The following PHF24 variants were observed in gnomAD, a reference collection of about 807,000 sequenced individuals.
PHF24 encodes the protein PHD finger protein 24.
PHF24 carries 25 observed loss-of-function variants against 42.6 expected under a neutral mutation model. The ratio of observed to expected loss-of-function variants is 0.59; its 90% CI spans 0.43 to 0.82. The LOEUF is 0.82. PHF24 is among the 40% of genes least tolerant of loss of function. The probability of loss-of-function intolerance (pLI) is 0.00; values close to 1 mark genes in which losing one functional copy is unlikely to be tolerated. For synonymous variants in PHF24, 185 were observed against 204.8 expected (o/e 0.90, Z 0.83); for missense variants, 470 against 538.1 (o/e 0.87, Z 1.25).
the PHF24 span, chr9:34,922,513 C>T: frequency 1.8e-6 from 2 of 1,137,232 alleles, no homozygotes; most frequent in East Asian, 2.3e-5. Context: ...CCTTTCTTAT[C>T]ATCACCAGCG....
At chr9:34,970,944 A>T (rs1826951958) in intron 1 of PHF24, among the ~76,000 whole-genome samples, 1 of 152,154 alleles carries the variant, frequency 6.6e-6, no homozygotes, top group African/African-American at 2.4e-5. Context: ...CAAAGTTGCA[A>T]GGCCTGTCAG....
At chr9:34,944,610 T>C in the PHF24 span, among the ~76,000 whole-genome samples, 1 of 152,208 alleles carries the variant, frequency 6.6e-6, no homozygotes, top group African/African-American at 2.4e-5. Context: ...GCCAACATCT[T>C]CAAAGCATTC....
In PHF24 at chr9:34,976,135, C is replaced by T; in HGVS notation, c.565-17C>T. 6.2e-7 allele frequency: 1 copy of T among 1,605,328 alleles called. No homozygotes were observed. The highest frequency in any genetic ancestry group is 2.2e-5 in the East Asian group (1 of 44,804). ...CTGGCCTGTATGGCCACCGACTCAG[C>T]TCTTCCTTATTTTCAGGACAACATC... On this transcript the variant is annotated splice_polypyrimidine_tract_variant and intron_variant, in intron 3 of 7. Coordinates refer to ENST00000242315, the Ensembl canonical transcript of PHF24.
chr9:34,816,822 G>T, the PHF24 span, among the ~76,000 whole-genome samples: 4 of 152,232 alleles, frequency 2.6e-5, no homozygotes, highest in Non-Finnish European at 5.9e-5. Context: ...ACTATCCATC[G>T]CTAGACCTCC....
chr9:34,694,532 C>G, the PHF24 span, among the ~76,000 whole-genome samples: 1 of 152,162 alleles, frequency 6.6e-6, no homozygotes, highest in South Asian at 2.1e-4. Flanking sequence ...GGGGTTTCAT[C>G]ATGTTGGCCA....
chr9:34,960,140 C>G (rs1267151576), intron 1 of PHF24, among the ~76,000 whole-genome samples: 1 of 152,144 alleles, frequency 6.6e-6, no homozygotes, highest in African/African-American at 2.4e-5. Context: ...ACTTTGAGCT[C>G]CAAGGATGGA....
At chr9:34,905,021 G>T in the PHF24 span, among the ~76,000 whole-genome samples, 1 of 151,884 alleles carries the variant, frequency 6.6e-6, no homozygotes. Flanking sequence ...AGTAGGCCAG[G>T]TTCGTTGGAG....
At chr9:34,759,577 G>A in the PHF24 span, among the ~76,000 whole-genome samples, 1 of 152,170 alleles carries the variant, frequency 6.6e-6, no homozygotes, top group Admixed American at 6.5e-5. Context: ...AAAAAGAGGT[G>A]AGCAGAGCAC....
the PHF24 span, among the ~76,000 whole-genome samples, chr9:34,904,834 C>T: frequency 9.7e-6 from 1 of 103,310 alleles, no homozygotes; most frequent in African/African-American, 3.6e-5. Flanking sequence ...CTAATTCTTC[C>T]TGATTTGAGC....
At chr9:34,933,715 ACT>A in the PHF24 span, among the ~76,000 whole-genome samples, 1 of 147,720 alleles carries the variant, frequency 6.8e-6, no homozygotes, top group Non-Finnish European at 1.5e-5. Flanking sequence ...ACAGAGTGAG[ACT>A]CTGTCTCAAA....
chr9:34,701,106 A>G, the PHF24 span, among the ~76,000 whole-genome samples: 4 of 152,170 alleles, frequency 2.6e-5, no homozygotes, highest in Non-Finnish European at 5.9e-5. The surrounding 1 kb of genome is among the most constrained non-coding windows in gnomAD (Gnocchi z 5.8). Context: ...GTTCCAGCTC[A>G]GGGCGATCAA....
At chr9:34,689,120 A>G in the PHF24 span, among the ~76,000 whole-genome samples, 1 of 152,178 alleles carries the variant, frequency 6.6e-6, no homozygotes, top group Non-Finnish European at 1.5e-5. This position sits in a 1 kb window ranked among gnomAD's most constrained non-coding sequence, Gnocchi z 4.1. Flanking sequence ...TCCCCCAGGC[A>G]GTAGAGCTGG....
At chr9:34,669,897 C>T in the PHF24 span, among the ~76,000 whole-genome samples, 1,193 of 152,188 alleles carry the variant, frequency 7.8e-3, 16 homozygotes, top group African/African-American at 0.027. Flanking sequence ...CAGTAAAGAC[C>T]AACCATGTGA....
At chr9:34,889,194 A>G in the PHF24 span, 1 of 398,422 alleles carries the variant, frequency 2.5e-6, no homozygotes, top group Non-Finnish European at 4.4e-6. Context: ...TTTTCTTGTG[A>G]TGGGTATTCT....
chr9:34,921,220 A>C, the PHF24 span, among the ~76,000 whole-genome samples: 1 of 151,694 alleles, frequency 6.6e-6, no homozygotes, highest in South Asian at 2.1e-4. Flanking sequence ...ATTTACATGA[A>C]TTTAATACAC....
chr9:34,972,289 T>C, intron 2 of PHF24, 57 bp from the exon 3 acceptor site: 1 of 1,499,334 alleles, frequency 6.7e-7, no homozygotes, highest in Non-Finnish European at 9.1e-7. Context: ...TTAGTGGCCT[T>C]GGAATCTTGC....
chr9:34,814,925 G>C, the PHF24 span, among the ~76,000 whole-genome samples: 1 of 152,124 alleles, frequency 6.6e-6, no homozygotes. Context: ...ACTTTTAGTA[G>C]AGACAGGGTT....
the PHF24 span, among the ~76,000 whole-genome samples, chr9:34,674,112 G>C: frequency 6.6e-6 from 1 of 152,172 alleles, no homozygotes; most frequent in South Asian, 2.1e-4. Flanking sequence ...CTTTGAATTG[G>C]GTTTTTGCCG....
the PHF24 span, chr9:34,729,316 A>G: frequency 3.9e-6 from 6 of 1,552,170 alleles, no homozygotes; most frequent in African/African-American, 6.8e-5. Flanking sequence ...TCTGAACTCA[A>G]TTCATGGTGG....
Sources: allele counts gnomAD v4.1 joint callset (sites outside exome capture counted in the v4.1 genomes callset), GRCh38; gene constraint gnomAD v4.1.1; non-coding constraint Gnocchi (gnomAD v3.1); transcripts MANE v1.5; gene names NCBI Gene and HGNC (gene_info 2026-07-23, HGNC 2026-07-21).